Variants in ADSL observed in about 807,000 individuals in gnomAD.
ADSL encodes the protein adenylosuccinate lyase, also known as adenylosuccinase.
ADSL carries 44 observed loss-of-function variants against 62.1 expected under a neutral mutation model. The observed-to-expected ratio is 0.71, with a 90% confidence interval of 0.56 to 0.91. ADSL has a LOEUF of 0.91. ADSL is among the 40% of genes least tolerant of loss of function. The pLI is 0.00. For missense variants in ADSL, 531 were observed against 627.4 expected (o/e 0.85, Z 1.64); for synonymous variants, 198 against 220.5 (o/e 0.90, Z 0.90).
intron 4 of ADSL, among the ~76,000 whole-genome samples, chr22:40,355,620 C>A (rs1035229884): frequency 6.6e-6 from 1 of 152,186 alleles, no homozygotes; most frequent in Non-Finnish European, 1.5e-5. Context: ...TTGTCAACAA[C>A]TGATGGACAT....
At chr22:40,371,034 G>A (rs2045339398), downstream of ADSL, among the ~76,000 whole-genome samples, 1 of 152,252 alleles carries the variant, frequency 6.6e-6, no homozygotes, top group Non-Finnish European at 1.5e-5. Context: ...GAGGCGGGGG[G>A]CTTTCTAAAA....
At chr22:40,357,722 T>C (rs558343838) in intron 4 of ADSL, among the ~76,000 whole-genome samples, 2 of 152,368 alleles carry the variant, frequency 1.3e-5, no homozygotes, top group East Asian at 3.9e-4. Flanking sequence ...ACCATTACCT[T>C]CATCGTTCTT....
chr22:40,380,718 T>C (rs1234070443), intron 2 of ADSL, among the ~76,000 whole-genome samples: 1 of 152,106 alleles, frequency 6.6e-6, no homozygotes, highest in Non-Finnish European at 1.5e-5. Context: ...GGATGACTGA[T>C]TGAGCCCAGG....
chr22:40,358,781 G>A, intron 4 of ADSL, 83 bp from the exon 5 acceptor site: 1 of 1,341,736 alleles, frequency 7.5e-7, no homozygotes, highest in Non-Finnish European at 1.1e-6. Context: ...AAGGGGTAAT[G>A]GTGGTTATTA....
chr22:40,369,382 G>A (rs144280509), downstream of ADSL: 61 of 149,658 alleles, frequency 4.1e-4, no homozygotes, highest in African/African-American at 1.5e-3. Context: ...TGGTCTGCGT[G>A]TTCACTGGAA....
rs372124734 is a variant in ADSL at position 40,365,101 on chromosome 22, G to T, written c.1368+45G>T. ...CTTTTCTGCTGGGCTGCAGAACCTG[G>T]GGTACTCTCTTTGATGTTTTTGCTT... is the stretch of plus-strand genomic sequence containing the variant. On this transcript the variant is annotated intron_variant, in intron 12 of 12. Coordinates refer to ENST00000623063, the MANE Select transcript of ADSL (RefSeq NM_000026.4). The T allele has an allele frequency of 2.4e-5, 38 of 1,572,390 alleles. No individual in the cohort carries two copies. In the African/African-American group the frequency reaches 5.0e-4, roughly 21 times the overall value.
chr22:40,374,470 A>G (rs2046203013), intron 2 of ADSL, among the ~76,000 whole-genome samples: 1 of 152,234 alleles, frequency 6.6e-6, no homozygotes, highest in Non-Finnish European at 1.5e-5. Context: ...CTGGTAACTG[A>G]GCTACAATTT....
intron 2 of ADSL, among the ~76,000 whole-genome samples, chr22:40,378,437 A>C (rs1274681369): frequency 6.6e-6 from 1 of 151,944 alleles, no homozygotes; most frequent in African/African-American, 2.4e-5. Flanking sequence ...TATATTAAAA[A>C]TAATAATATG....
At chr22:40,353,827 C>T (rs538018523) in intron 3 of ADSL, 98 of 274,862 alleles carry the variant, frequency 3.6e-4, no homozygotes, top group South Asian at 3.2e-3. Context: ...GGGGTTTCAC[C>T]GTGTTAGCCA....
Position 40,349,957 on chromosome 22 carries a change from C to A in ADSL, c.279C>A (p.His93Gln). The A allele has an allele frequency of 6.2e-7, 1 of 1,614,162 alleles. No individual in the cohort carries two copies. The highest frequency in any genetic ancestry group is 8.5e-7 in the Non-Finnish European group (1 of 1,180,016). The change falls in exon 2 of 13, where the codon CAC (histidine) becomes CAA (glutamine). Residue 93 changes from histidine (H) to glutamine (Q), a missense_variant. By Grantham distance (24) the His-to-Gln change is conservative. Transcript: ENST00000623063. ...GACATGATGTGATGGCTCACGTGCA[C>A]ACATTTGGCCACTGCTGTCCAAAAG... ...RLRHDVMAHV[H>Q]TFGHCCPKAA...
At chr22:40,351,992 A>C (rs1334977039) in intron 2 of ADSL, 2 of 152,182 alleles carry the variant, frequency 1.3e-5, no homozygotes, top group East Asian at 3.9e-4. Context: ...ACATAATTAA[A>C]GGCATCTTTG....
intron 11 of ADSL, 197 bp downstream of exon 11, chr22:40,364,562 A>T (rs567416129): frequency 8.6e-5 from 58 of 676,934 alleles, no homozygotes; most frequent in Non-Finnish European, 1.5e-4. Context: ...TTACTTAATC[A>T]CTTGTAGGAA....
At chr22:40,372,133 T>C (rs1364781855), downstream of ADSL, among the ~76,000 whole-genome samples, 2 of 132,188 alleles carry the variant, frequency 1.5e-5, no homozygotes, top group African/African-American at 5.6e-5. Context: ...TTTTTTTTTT[T>C]TTTTTTTTTT....
At chr22:40,386,552 A>G (rs892018824) in intron 2 of ADSL, among the ~76,000 whole-genome samples, 1 of 127,988 alleles carries the variant, frequency 7.8e-6, no homozygotes, top group African/African-American at 2.7e-5. Context: ...CCTCTAGTCC[A>G]ATTTTCTTAC....
At chr22:40,352,940 G>C in intron 2 of ADSL, 133 bp from the exon 3 acceptor site, 2 of 716,216 alleles carry the variant, frequency 2.8e-6, no homozygotes, top group South Asian at 3.0e-5. Context: ...ATTTTCTGGC[G>C]TGCTTAGTGG....
downstream of ADSL, chr22:40,369,395 CAT>C (rs919124388): frequency 6.8e-5 from 10 of 147,794 alleles, no homozygotes; most frequent in Admixed American, 6.8e-5. Flanking sequence ...CACTGGAAAA[CAT>C]ATATATATTA....
chr22:40,372,093 G>A (rs2045621076), downstream of ADSL, among the ~76,000 whole-genome samples: 1 of 146,474 alleles, frequency 6.8e-6, no homozygotes, highest in Non-Finnish European at 1.5e-5. Context: ...AGTAGCCTGA[G>A]CTTTAGTTCT....
At chr22:40,365,110 C>A in intron 12 of ADSL, 54 bp downstream of exon 12, 1 of 1,558,686 alleles carries the variant, frequency 6.4e-7, no homozygotes, top group Non-Finnish European at 8.8e-7. Flanking sequence ...GGGGTACTCT[C>A]TTTGATGTTT....
At position 40,368,260 on chromosome 22, in the gene ADSL, C is replaced by T. The variant is rs1251631528; in HGVS notation, c.*1738C>T. On this transcript the variant is annotated 3_prime_UTR_variant, in exon 13 of 13. Coordinates refer to ENST00000623063, the MANE Select transcript of ADSL (RefSeq NM_000026.4). Reference sequence around the variant, plus strand: ...GAGATTAGCAACCTACACTCAATCCCCCAGGTCAGGCAGAAGCTGGAAGAC... The same window carrying T: ...GAGATTAGCAACCTACACTCAATCCTCCAGGTCAGGCAGAAGCTGGAAGAC... The T allele has an allele frequency of 1.3e-5, 2 of 152,166 alleles. No individual in the cohort carries two copies. The highest frequency in any genetic ancestry group is 4.8e-5 in the African/African-American group (2 of 41,430). The allele number at this position is 152,166 out of a possible 1,614,324, so 9.4% of individuals were successfully genotyped here.
Sources: allele counts gnomAD v4.1 joint callset (sites outside exome capture counted in the v4.1 genomes callset), GRCh38; gene constraint gnomAD v4.1.1; transcripts MANE v1.5; gene names NCBI Gene and HGNC (gene_info 2026-07-23, HGNC 2026-07-21).